ACVR2A: variants seen among roughly 807,000 people sequenced by gnomAD.
ACVR2A encodes the protein activin receptor type-2A.
ACVR2A carries 7 observed loss-of-function variants against 61.4 expected under a neutral mutation model. The ratio of observed to expected loss-of-function variants is 0.11; its 90% CI spans 0.06 to 0.21. ACVR2A has a LOEUF of 0.21. ACVR2A is among the 10% of genes least tolerant of loss of function. ACVR2A has a pLI of 1.00. For synonymous variants in ACVR2A, 193 were observed against 208.3 expected, an observed-to-expected ratio of 0.93 and a Z score of 0.63; for missense variants, 322 against 621.7, an observed-to-expected ratio of 0.52 and a Z score of 5.13.
At chr2:147,900,068 C>T (rs1481476528) in intron 4 of ACVR2A, among the ~76,000 whole-genome samples, 170 bp downstream of exon 4, 1 of 152,144 alleles carries the variant, frequency 6.6e-6, no homozygotes, top group Non-Finnish European at 1.5e-5. Flanking sequence ...AATGTACCTA[C>T]CGTGTCCTTA....
At position 147,889,594 on chromosome 2, in the gene ACVR2A, A is replaced by T. The variant is rs927817848; in HGVS notation, c.56-6707A>T. Among the ~76,000 whole-genome samples, 4 of 152,026 alleles carry T rather than the reference A, an allele frequency of 2.6e-5. No homozygotes were observed. In the East Asian group the frequency reaches 7.7e-4, roughly 29 times the overall value. On this transcript the variant is annotated intron_variant, in intron 1 of 10. Transcript: ENST00000241416. Reference sequence around the variant, plus strand: ...CCTGTTTCCACTAAAAATACAAAAAAAAATTAGCCAAGCTTGGTGGCTGCC... The same window carrying T: ...CCTGTTTCCACTAAAAATACAAAAATAAATTAGCCAAGCTTGGTGGCTGCC...
chr2:147,893,777 A>G (rs1028116158), intron 1 of ACVR2A, among the ~76,000 whole-genome samples: 1 of 152,170 alleles, frequency 6.6e-6, no homozygotes, highest in Non-Finnish European at 1.5e-5. Context: ...TCTGAGCATC[A>G]GTCCTTTTTT....
At chr2:147,855,727 T>C (rs1685554590) in intron 1 of ACVR2A, among the ~76,000 whole-genome samples, 1 of 152,146 alleles carries the variant, frequency 6.6e-6, no homozygotes, top group African/African-American at 2.4e-5. Flanking sequence ...TTCTTGTGCA[T>C]ATGTGAACTT....
chr2:147,921,821 A>G (rs1300947937), intron 8 of ACVR2A, among the ~76,000 whole-genome samples: 1 of 152,178 alleles, frequency 6.6e-6, no homozygotes, highest in Non-Finnish European at 1.5e-5. Flanking sequence ...TCATATTTTT[A>G]ACTCCTTCAC....
At chr2:147,885,214 TAAA>T (rs897135867) in intron 1 of ACVR2A, among the ~76,000 whole-genome samples, 3 of 151,616 alleles carry the variant, frequency 2.0e-5, no homozygotes, top group African/African-American at 7.3e-5. Context: ...AAGTTTTCTC[TAAA>T]AAAAAATTTC....
chr2:147,899,312 G>C, intron 2 of ACVR2A, 146 bp from the exon 3 acceptor site: 1 of 534,112 alleles, frequency 1.9e-6, no homozygotes, highest in Non-Finnish European at 3.0e-6. Context: ...AACATTTTTG[G>C]TTTTTAAGAA....
intron 1 of ACVR2A, among the ~76,000 whole-genome samples, chr2:147,856,006 A>G (rs780129353): frequency 2.0e-4 from 31 of 152,242 alleles, no homozygotes; most frequent in Admixed American, 6.5e-4. Context: ...AGTGTATTTT[A>G]TATCTTAATT....
intron 9 of ACVR2A, among the ~76,000 whole-genome samples, chr2:147,923,359 A>G (rs1687431558): frequency 1.3e-5 from 2 of 152,118 alleles, no homozygotes; most frequent in Non-Finnish European, 2.9e-5. Flanking sequence ...GTTATTTCCT[A>G]AAACGGTTTC....
intron 1 of ACVR2A, among the ~76,000 whole-genome samples, chr2:147,869,544 T>C (rs951574713): frequency 1.3e-5 from 2 of 152,212 alleles, no homozygotes; most frequent in African/African-American, 4.8e-5. Flanking sequence ...TAACAGCCAT[T>C]GAAAAGCAGT....
rs565885001 is a variant in ACVR2A at position 147,865,351 on chromosome 2, A to G, written c.55+20144A>G. Among the ~76,000 whole-genome samples, 7 of 152,336 alleles carry G rather than the reference A, an allele frequency of 4.6e-5. No homozygotes were observed. The East Asian group carries it at 9.7e-4, about 21-fold the overall frequency. ...CAACTGTTAACCTAAAGTAAGTGAC[A>G]TAATTCTCTCAAAGATTAAGGATTT... On this transcript the variant is annotated intron_variant, in intron 1 of 10. Coordinates refer to ENST00000241416, the MANE Select transcript of ACVR2A (RefSeq NM_001616.5).
At chr2:147,907,783 T>G (rs1037042256) in intron 4 of ACVR2A, among the ~76,000 whole-genome samples, 2 of 152,074 alleles carry the variant, frequency 1.3e-5, no homozygotes, top group Non-Finnish European at 2.9e-5. Context: ...CCCAGCACTT[T>G]AGGAGGCCGA....
intron 4 of ACVR2A, among the ~76,000 whole-genome samples, chr2:147,909,536 C>T (rs185309964): frequency 1.3e-5 from 2 of 152,246 alleles, no homozygotes; most frequent in Admixed American, 1.3e-4. Context: ...TCACCGTTAC[C>T]TACAGTTATA....
rs986028273 is a variant in ACVR2A, at chr2:147,923,887, A to G, written c.1216+776A>G. On this transcript the variant is annotated intron_variant, in intron 9 of 10. Coordinates refer to ENST00000241416, the MANE Select transcript of ACVR2A (RefSeq NM_001616.5). ...CATAGAAGAAATTGTGAATATTTTA[A>G]GTTATAACCAATGTAACCTATGTTA... Among the ~76,000 whole-genome samples the G allele has an allele frequency of 1.1e-4, 16 of 152,128 alleles. 1 individual carries two copies. Among genetic ancestry groups the G allele is most frequent in the African/African-American group, 3.4e-4 (14 of 41,442 alleles).
Position 147,929,866 on chromosome 2 carries a change from A to C in ACVR2A, c.*2592A>C, listed in dbSNP as rs1220650176. ...GTATTTTGCCTTTCTGATACCCATCAGAACTGCTGCTGCTCTAACTTATAC... is the reference window on the plus strand; with the variant it reads ...GTATTTTGCCTTTCTGATACCCATCCGAACTGCTGCTGCTCTAACTTATAC... On this transcript the variant is annotated 3_prime_UTR_variant, in exon 11 of 11. Coordinates refer to ENST00000241416, the MANE Select transcript of ACVR2A (RefSeq NM_001616.5). 1 of 152,472 alleles carries C rather than the reference A, an allele frequency of 6.6e-6. No homozygotes were observed. Among genetic ancestry groups the C allele is most frequent in the Non-Finnish European group, 1.5e-5 (1 of 68,000 alleles). The allele number at this position is 152,472 out of a possible 1,614,324, so 9.4% of individuals were successfully genotyped here.
At position 147,928,311 on chromosome 2, in the gene ACVR2A, G is replaced by GTAT. The variant is rs1558817504; in HGVS notation, c.*1039_*1041dup. 1.3e-5 allele frequency: 2 copies of GTAT among 152,200 alleles called. No homozygotes were observed. The allele number at this position is 152,200 out of a possible 1,614,324, so 9.4% of individuals were successfully genotyped here. On this transcript the variant is annotated 3_prime_UTR_variant, in exon 11 of 11. Transcript: ENST00000241416. Reference sequence around the variant, plus strand: ...CTATTTATATATGTAAAATTGTAGTGTATTTCTTTTCACCAAACAGTGTGT... The same window carrying GTAT: ...CTATTTATATATGTAAAATTGTAGTGTATTATTTCTTTTCACCAAACAGTGTGT...
intron 1 of ACVR2A, among the ~76,000 whole-genome samples, chr2:147,886,792 C>T (rs1470454710): frequency 2.2e-5 from 3 of 135,962 alleles, no homozygotes; most frequent in South Asian, 2.3e-4. Context: ...TTTTTTGGGA[C>T]GTTTGTTTTA....
chr2:147,913,529 C>T (rs1687171177), intron 4 of ACVR2A, among the ~76,000 whole-genome samples: 1 of 151,792 alleles, frequency 6.6e-6, no homozygotes, highest in African/African-American at 2.4e-5. Flanking sequence ...GGTTTCCTTT[C>T]CTGTAGAAGA....
At chr2:147,877,917 C>A (rs527765457) in intron 1 of ACVR2A, among the ~76,000 whole-genome samples, 1 of 152,192 alleles carries the variant, frequency 6.6e-6, no homozygotes, top group Non-Finnish European at 1.5e-5. Flanking sequence ...TTGCTTTAAA[C>A]TTTACATTTA....
intron 2 of ACVR2A, among the ~76,000 whole-genome samples, chr2:147,898,754 G>A (rs2105193111): frequency 6.6e-6 from 1 of 152,082 alleles, no homozygotes; most frequent in Non-Finnish European, 1.5e-5. Context: ...TATATAAAAG[G>A]CTACTTTATT....
Sources: allele counts gnomAD v4.1 joint callset (sites outside exome capture counted in the v4.1 genomes callset), GRCh38; gene constraint gnomAD v4.1.1; transcripts MANE v1.5; gene names NCBI Gene and HGNC (gene_info 2026-07-23, HGNC 2026-07-21).